The following TBX5 variants were observed in gnomAD, a reference collection of about 807,000 sequenced individuals.
TBX5 encodes the protein T-box transcription factor TBX5.
TBX5 carries 8 observed loss-of-function variants against 51.1 expected under a neutral mutation model. The ratio of observed to expected loss-of-function variants is 0.16; its 90% CI spans 0.09 to 0.28. The LOEUF is 0.28. Ranked by LOEUF, TBX5 falls within the 10% of genes least tolerant of loss-of-function variation. The pLI, the probability that TBX5 is intolerant of heterozygous loss-of-function variation, is 1.00. For missense variants in TBX5, 589 were observed against 671.7 expected (o/e 0.88, Z 1.36); for synonymous variants, 302 against 266.4 (o/e 1.13, Z -1.30).
chr12:114,363,756 T>A (rs1480399266), intron 8 of TBX5, among the ~76,000 whole-genome samples: 1 of 152,198 alleles, frequency 6.6e-6, no homozygotes, highest in East Asian at 1.9e-4. Context: ...TCCCCATTGA[T>A]AAAGTGGGTT....
chr12:114,406,850 A>ATT (rs76878077), upstream of TBX5, among the ~76,000 whole-genome samples: 48 of 146,674 alleles, frequency 3.3e-4, no homozygotes, highest in South Asian at 1.5e-3. Context: ...TCTGAGATGT[A>ATT]TTTTTTTTTT....
chr12:114,401,858 C>G lies in TBX5; in HGVS notation c.210G>C (p.Val70=). The change falls in exon 3 of 9, where the codon GTG becomes GTC. Residue 70 remains valine (V), a synonymous_variant. Coordinates refer to ENST00000405440, the MANE Select transcript of TBX5 (RefSeq NM_181486.4). ...CCTTGGTTATGATCATTTCCGTGCC[C>G]ACTTCGTGGAATTTTAGCCACAGTT... ...ERELWLKFHE[V]GTEMIITKAG... 1 of 1,614,188 alleles carries G rather than the reference C, an allele frequency of 6.2e-7. No homozygotes were observed. The highest frequency in any genetic ancestry group is 2.2e-5 in the East Asian group (1 of 44,878).
In TBX5 at chr12:114,355,807, C is replaced by T. The variant is rs577615373; in HGVS notation, c.1282G>A (p.Ala428Thr). Residue 428 changes from alanine to threonine, a missense_variant, in exon 9 of 9, where the codon GCT becomes ACT. Ala to Thr is a moderately conservative substitution (Grantham distance 58). Coordinates refer to ENST00000405440, the MANE Select transcript of TBX5 (RefSeq NM_181486.4). ...ACCAGGGGCCCCGAGGTGAAGTGAG[C>T]GGAGAAGTGCTGGTAGGGTAGCCTG... ...MDRLPYQHFS[A>T]HFTSGPLVPR... 5.9e-5 allele frequency: 95 copies of T among 1,614,042 alleles called. No homozygotes were observed. In the South Asian group the frequency reaches 7.5e-4, roughly 13 times the overall value.
intron 6 of TBX5, 69 bp downstream of exon 6, chr12:114,394,672 A>C (rs1871324524): frequency 1.2e-6 from 2 of 1,607,562 alleles, no homozygotes; most frequent in African/African-American, 2.7e-5. Flanking sequence ...CCAGCAGGAA[A>C]ACCTTGCAGA....
At chr12:114,377,056 G>A (rs1031729666) in intron 7 of TBX5, among the ~76,000 whole-genome samples, 6 of 152,152 alleles carry the variant, frequency 3.9e-5, no homozygotes, top group South Asian at 2.1e-4. Context: ...CAGCTCCCCA[G>A]ACACAACCCC....
chr12:114,375,006 G>C (rs928823684), intron 7 of TBX5, among the ~76,000 whole-genome samples: 1 of 152,162 alleles, frequency 6.6e-6, no homozygotes, highest in Non-Finnish European at 1.5e-5. Flanking sequence ...GAGTACATGG[G>C]CACTCATCGT....
chr12:114,407,459 C>T (rs1415390216), upstream of TBX5, among the ~76,000 whole-genome samples: 2 of 152,170 alleles, frequency 1.3e-5, no homozygotes, highest in Admixed American at 6.5e-5. Context: ...CCAGAAAGAC[C>T]TTCCCAATCC....
intron 6 of TBX5, among the ~76,000 whole-genome samples, chr12:114,387,394 T>TA (rs778580064): frequency 7.9e-5 from 12 of 152,192 alleles, no homozygotes; most frequent in Non-Finnish European, 1.6e-4. Context: ...GTATTCACCA[T>TA]AAAAAATATA....
In TBX5 at chr12:114,384,745, A is replaced by AAC. The variant is rs1555225277; in HGVS notation, c.755+729_755+730dup. On this transcript the variant is annotated intron_variant, in intron 7 of 8. Transcript: ENST00000405440. ...CACACACACACACACACACACACACAACACACACACACAAACCTTCTTGGT... is the reference window on the plus strand; with the variant it reads ...CACACACACACACACACACACACACAACACACACACACACAAACCTTCTTGGT... 1.5e-3 allele frequency among the ~76,000 whole-genome samples: 168 copies of AAC among 115,210 alleles called. 1 individual carries two copies. Among genetic ancestry groups the AAC allele is most frequent in the Admixed American group, 0.011 (124 of 11,742 alleles). 75.6% of individuals were successfully genotyped at this position (115,210 alleles called of 152,430 possible). A position where few individuals can be genotyped will look rare whatever the true frequency, so the allele number is the denominator to read the frequency against.
In TBX5 at chr12:114,379,785, G is replaced by A. The variant is rs536648837; in HGVS notation, c.755+5691C>T. On this transcript the variant is annotated intron_variant, in intron 7 of 8. Transcript: ENST00000405440. ...GTGTTGATTCATCCTTGTATGCCTA[G>A]TGCTTGGCATACAGCAAACACTTAA... 1.6e-4 allele frequency among the ~76,000 whole-genome samples: 25 copies of A among 152,322 alleles called. No individual in the cohort carries two copies. The South Asian group carries it at 3.9e-3, about 24-fold the overall frequency.
chr12:114,386,781 T>C (rs1049083266), intron 6 of TBX5, among the ~76,000 whole-genome samples: 3 of 152,144 alleles, frequency 2.0e-5, no homozygotes, highest in Non-Finnish European at 4.4e-5. Flanking sequence ...AATAGAAGAC[T>C]AGAAAGATAA....
chr12:114,382,238 T>A (rs1870541948), intron 7 of TBX5, among the ~76,000 whole-genome samples: 1 of 152,066 alleles, frequency 6.6e-6, no homozygotes, highest in Non-Finnish European at 1.5e-5. Flanking sequence ...CACCTGAGCC[T>A]GGAAGGTTGA....
chr12:114,393,197 C>T (rs1871251731), intron 6 of TBX5, among the ~76,000 whole-genome samples: 1 of 152,168 alleles, frequency 6.6e-6, no homozygotes, highest in African/African-American at 2.4e-5. Flanking sequence ...CTTCTCCGGC[C>T]TCTCCTGTCC....
intron 7 of TBX5, among the ~76,000 whole-genome samples, chr12:114,382,603 A>G (rs1158742073): frequency 1.3e-5 from 2 of 152,114 alleles, no homozygotes; most frequent in Non-Finnish European, 2.9e-5. Context: ...GTTTGAGACC[A>G]GCCTGGCCAA....
intron 6 of TBX5, among the ~76,000 whole-genome samples, chr12:114,389,902 A>G (rs17731569): frequency 0.15 from 22,229 of 151,932 alleles, 2,058 homozygotes; most frequent in Admixed American, 0.24. Flanking sequence ...GGATCTCAGC[A>G]TGAGAATTAG....
At position 114,355,428 on chromosome 12, in the gene TBX5, T is replaced by A. The variant is rs1235735602; in HGVS notation, c.*104A>T. 1.4e-6 allele frequency: 2 copies of A among 1,425,176 alleles called. No homozygotes were observed. The highest frequency in any genetic ancestry group is 3.9e-5 in the Admixed American group (2 of 51,254). The allele number at this position is 1,425,176 out of a possible 1,614,324, so 88.3% of individuals were successfully genotyped here. A position where few individuals can be genotyped will look rare whatever the true frequency, so the allele number is the denominator to read the frequency against. ...TGTGAACATTGGGTGAAATGAAAAA[T>A]CTTGTCCGTGGGGTTCTCTTGGCTA... On this transcript the variant is annotated 3_prime_UTR_variant, in exon 9 of 9. Coordinates refer to ENST00000405440, the MANE Select transcript of TBX5 (RefSeq NM_181486.4).
At chr12:114,396,562 TG>T (rs1365693228) in intron 5 of TBX5, among the ~76,000 whole-genome samples, 1 of 151,966 alleles carries the variant, frequency 6.6e-6, no homozygotes. Context: ...AATTTGGTGG[TG>T]GGGTTGTGCA....
At chr12:114,377,528 C>T (rs1441940717) in intron 7 of TBX5, among the ~76,000 whole-genome samples, 1 of 151,504 alleles carries the variant, frequency 6.6e-6, no homozygotes, top group Non-Finnish European at 1.5e-5. Flanking sequence ...GTAACTGCAA[C>T]TATAGACACA....
chr12:114,404,433 C>T (rs1872060165), intron 1 of TBX5, among the ~76,000 whole-genome samples: 1 of 152,036 alleles, frequency 6.6e-6, no homozygotes, highest in African/African-American at 2.4e-5. Context: ...GAATAGTTTT[C>T]TGCAGCAGGC....
Sources: allele counts gnomAD v4.1 joint callset (sites outside exome capture counted in the v4.1 genomes callset), GRCh38; gene constraint gnomAD v4.1.1; transcripts MANE v1.5; gene names NCBI Gene and HGNC (gene_info 2026-07-23, HGNC 2026-07-21).